Variants in COMMD5 observed in about 807,000 individuals in gnomAD.
COMMD5 encodes the protein COMM domain containing 5.
In COMMD5, 10 loss-of-function variants were observed where a neutral mutation model predicts 6.9. The observed-to-expected ratio is 1.44, with a 90% confidence interval of 0.89 to 2.45. COMMD5 has a LOEUF of 2.45. COMMD5 is among the 30% of genes most tolerant of loss of function. The pLI is 0.00. For missense variants in COMMD5, 234 were observed against 287.8 expected (o/e 0.81, Z 1.35); for synonymous variants, 127 against 125.3 (o/e 1.01, Z -0.09).
At chr8:144,843,018 A>G (rs1343293630) in intron 1 of COMMD5, 3 of 1,614,212 alleles carry the variant, frequency 1.9e-6, no homozygotes, top group Non-Finnish European at 2.5e-6. Flanking sequence ...ATCAGTGTGA[A>G]GACTGTGAGA....
chr8:144,842,795 G>C (rs1287967360), intron 1 of COMMD5: 4 of 1,614,108 alleles, frequency 2.5e-6, no homozygotes, highest in South Asian at 2.2e-5. Flanking sequence ...AAAGCCTTCA[G>C]TCAAAACTCA....
At chr8:144,841,120 C>A (rs542148393) in exon 2 of COMMD5, 81 of 514,692 alleles carry the variant, frequency 1.6e-4, no homozygotes, top group Admixed American at 1.2e-3. Flanking sequence ...CAGAACCCAG[C>A]CCTGCCCCAG....
intron 1 of COMMD5, among the ~76,000 whole-genome samples, chr8:144,844,984 A>G (rs918803275): frequency 1.2e-4 from 18 of 152,106 alleles, no homozygotes; most frequent in African/African-American, 3.6e-4. Context: ...CAGTGGGGGT[A>G]GACCAGCAGA....
intron 1 of COMMD5, chr8:144,843,369 C>T (rs1830234292): frequency 3.5e-6 from 2 of 568,928 alleles, no homozygotes; most frequent in Non-Finnish European, 5.8e-6. Flanking sequence ...GCGGGCACAT[C>T]ACGAGGTCAG....
At chr8:144,838,036 G>A (rs1379141213), downstream of COMMD5, 1 of 697,158 alleles carries the variant, frequency 1.4e-6, no homozygotes, top group African/African-American at 1.9e-5. Flanking sequence ...TGAAACCGGG[G>A]GGTCAGCAAG....
downstream of COMMD5, chr8:144,845,934 T>C (rs1334077418): frequency 3.9e-6 from 6 of 1,525,076 alleles, no homozygotes; most frequent in Non-Finnish European, 5.3e-6. Flanking sequence ...GGTGGTCACC[T>C]TCAGGTCTAG....
At chr8:144,846,707 C>CT (rs538718188), downstream of COMMD5, 83 of 152,286 alleles carry the variant, frequency 5.5e-4, no homozygotes, top group South Asian at 0.012. Context: ...GAGGAGTCTT[C>CT]TTTTTTTTTG....
chr8:144,842,133 C>G (rs780869114), intron 1 of COMMD5: 2 of 1,614,042 alleles, frequency 1.2e-6, no homozygotes, highest in Non-Finnish European at 1.7e-6. Flanking sequence ...GTGGGAAAGC[C>G]TTCAGCCAGC....
At chr8:144,840,750 G>C (rs573284604), downstream of COMMD5, among the ~76,000 whole-genome samples, 61 of 152,284 alleles carry the variant, frequency 4.0e-4, no homozygotes, top group South Asian at 1.2e-3. Flanking sequence ...GGGAGAAGCA[G>C]GGGAGGTGGC....
chr8:144,845,947 CAG>C (rs1830490894), downstream of COMMD5: 8 of 1,533,432 alleles, frequency 5.2e-6, no homozygotes, highest in Admixed American at 2.0e-5. Context: ...AGGTCTAGCA[CAG>C]GGGTTGCTGT....
downstream of COMMD5, chr8:144,838,131 G>T: frequency 1.4e-6 from 1 of 702,964 alleles, no homozygotes; most frequent in South Asian, 1.5e-5. Context: ...GCAGTCCTTG[G>T]GTTCCTTGGC....
intron 1 of COMMD5, chr8:144,843,275 G>A: frequency 7.5e-7 from 1 of 1,332,974 alleles, no homozygotes; most frequent in East Asian, 2.4e-5. Context: ...GTTGGTAAAG[G>A]TTCAGAATTG....
downstream of COMMD5, among the ~76,000 whole-genome samples, chr8:144,845,199 G>A (rs1439938353): frequency 6.6e-6 from 1 of 152,318 alleles, no homozygotes; most frequent in East Asian, 1.9e-4. Context: ...GAGAAATCCT[G>A]TGGCCATTCC....
chr8:144,846,139 G>T, downstream of COMMD5: 1 of 1,536,294 alleles, frequency 6.5e-7, no homozygotes, highest in East Asian at 2.4e-5. Flanking sequence ...TTCATGATCA[G>T]GACAGAAGGA....
intron 1 of COMMD5, 170 bp downstream of exon 1, chr8:144,852,669 G>A (rs1830800507): frequency 6.6e-6 from 1 of 152,296 alleles, no homozygotes; most frequent in Admixed American, 6.5e-5. Context: ...AGGCCTCCGA[G>A]CTGCCCGCTT....
Position 144,850,480 on chromosome 8 carries a change from AAG to A in COMMD5, c.*182_*183del. The A allele has an allele frequency of 1.4e-6, 1 of 698,936 alleles. No individual in the cohort carries two copies. Among genetic ancestry groups the A allele is most frequent in the African/African-American group, 1.8e-5 (1 of 55,828 alleles). 43.3% of individuals were successfully genotyped at this position (698,936 alleles called of 1,614,324 possible). ...TGTTTTTAGCTGCTTTACTTCCAAA[AAG>A]AAAAAAAGGCATAGCTCTCTTTTTC... is the stretch of plus-strand genomic sequence containing the variant. On this transcript the variant is annotated 3_prime_UTR_variant, in exon 2 of 2. Coordinates refer to ENST00000305103, the MANE Select transcript of COMMD5 (RefSeq NM_014066.4). This position sits in a 1 kb window ranked among gnomAD's most constrained non-coding sequence, Gnocchi z 4.0.
downstream of COMMD5, among the ~76,000 whole-genome samples, chr8:144,849,965 G>A (rs117818556): frequency 9.2e-5 from 14 of 152,114 alleles, no homozygotes; most frequent in Non-Finnish European, 1.5e-4. Context: ...CACCTGCTTG[G>A]CTGCAGCCAG....
At chr8:144,843,404 A>C (rs1830244137) in intron 1 of COMMD5, 1 of 417,684 alleles carries the variant, frequency 2.4e-6, no homozygotes, top group Admixed American at 4.1e-5. Context: ...CCTGGGTAAC[A>C]GGTGAAACCC....
In COMMD5 at chr8:144,851,276, TC is replaced by T; in HGVS notation, c.62del (p.Arg21GlnfsTer2). On this transcript the variant is annotated frameshift_variant, in exon 2 of 2. Transcript: ENST00000305103. LOFTEE classifies it low-confidence loss of function (END_TRUNC). ...GAAGCTGGGCCCCCAAGAAACTCAC[TC>T]GGCCACTGTGACTATCACCAGGATG... ...LHHPGDSHSG[R>X]VSFLGAQLPP... is the part of the protein sequence containing the mutation. 6.2e-7 allele frequency: 1 copy of T among 1,613,948 alleles called. No individual in the cohort carries two copies. The highest frequency in any genetic ancestry group is 8.5e-7 in the Non-Finnish European group (1 of 1,180,002).
Sources: gnomAD v4.1 joint callset for allele counts (sites outside exome capture counted in the v4.1 genomes callset) on GRCh38, gnomAD v4.1.1 for gene constraint, Gnocchi (gnomAD v3.1) non-coding constraint, MANE v1.5 for transcripts, NCBI Gene and HGNC (gene_info 2026-07-23, HGNC 2026-07-21) for gene names.